REDIC1: variants seen among roughly 807,000 people sequenced by gnomAD.
REDIC1 encodes the protein regulator of DNA class I crossover intermediates 1.
the REDIC1 span, among the ~76,000 whole-genome samples, chr12:39,876,538 T>TA: frequency 5.9e-5 from 9 of 152,116 alleles, no homozygotes; most frequent in Non-Finnish European, 1.2e-4. Flanking sequence ...ATAATTATAT[T>TA]AAAAAACACC....
At chr12:39,657,004 A>G in the REDIC1 span, among the ~76,000 whole-genome samples, 1 of 152,200 alleles carries the variant, frequency 6.6e-6, no homozygotes, top group Non-Finnish European at 1.5e-5. Context: ...AGAAATTTTT[A>G]AAAATAAATT....
At chr12:39,808,966 G>T in the REDIC1 span, among the ~76,000 whole-genome samples, 1 of 151,910 alleles carries the variant, frequency 6.6e-6, no homozygotes, top group Non-Finnish European at 1.5e-5. Flanking sequence ...TGCTTTTTGT[G>T]TCCTATCTAC....
the REDIC1 span, among the ~76,000 whole-genome samples, chr12:39,745,553 C>T: frequency 6.6e-6 from 1 of 152,108 alleles, no homozygotes; most frequent in East Asian, 1.9e-4. Context: ...GTATCTAGCA[C>T]ATAACGAGTG....
the REDIC1 span, among the ~76,000 whole-genome samples, chr12:39,808,704 C>T: frequency 6.6e-6 from 1 of 152,056 alleles, no homozygotes; most frequent in Admixed American, 6.6e-5. Flanking sequence ...TATCTATGTG[C>T]TTATTTGCCA....
chr12:39,718,668 A>G, the REDIC1 span, among the ~76,000 whole-genome samples: 2 of 149,018 alleles, frequency 1.3e-5, no homozygotes, highest in Non-Finnish European at 3.0e-5. Flanking sequence ...CCTATGTGAC[A>G]TTTTTTTTTT....
the REDIC1 span, among the ~76,000 whole-genome samples, chr12:39,696,266 G>A: frequency 0.29 from 43,202 of 150,342 alleles, 7,670 homozygotes; most frequent in Admixed American, 0.37. Flanking sequence ...ACCAAGGGCC[G>A]GGCGCGGTGG....
At chr12:39,668,156 T>C in the REDIC1 span, among the ~76,000 whole-genome samples, 1 of 152,234 alleles carries the variant, frequency 6.6e-6, no homozygotes, top group African/African-American at 2.4e-5. Context: ...AGTTTCTTCC[T>C]AGTCTCGATG....
the REDIC1 span, among the ~76,000 whole-genome samples, chr12:39,822,541 C>T: frequency 6.6e-6 from 1 of 152,202 alleles, no homozygotes; most frequent in Non-Finnish European, 1.5e-5. Context: ...CCAAGCTCCC[C>T]AGACTTCATC....
the REDIC1 span, among the ~76,000 whole-genome samples, chr12:39,678,446 A>G: frequency 6.6e-6 from 1 of 152,110 alleles, no homozygotes; most frequent in South Asian, 2.1e-4. Flanking sequence ...CAGCATTTTT[A>G]AAACTTGCCA....
At chr12:39,808,786 T>C in the REDIC1 span, among the ~76,000 whole-genome samples, 1 of 152,176 alleles carries the variant, frequency 6.6e-6, no homozygotes, top group Non-Finnish European at 1.5e-5. Context: ...TTTATTTATT[T>C]TAAGTTGTAA....
chr12:39,721,106 A>T, the REDIC1 span: 10 of 1,613,666 alleles, frequency 6.2e-6, no homozygotes, highest in South Asian at 1.1e-4. Flanking sequence ...TCTGTAATGG[A>T]GGAAAAATTA....
the REDIC1 span, among the ~76,000 whole-genome samples, chr12:39,842,180 T>C: frequency 4.3e-4 from 65 of 152,168 alleles, no homozygotes; most frequent in Admixed American, 4.3e-3. Flanking sequence ...GAAAGCAGGC[T>C]GAACAATATA....
the REDIC1 span, among the ~76,000 whole-genome samples, chr12:39,696,898 TAAAAAA>T: frequency 3.2e-4 from 48 of 151,300 alleles, 1 homozygote; most frequent in Non-Finnish European, 7.4e-5. Flanking sequence ...AAAGAAAAAA[TAAAAAA>T]GAATGAAGTA....
chr12:39,710,975 A>G, the REDIC1 span, among the ~76,000 whole-genome samples: 2 of 151,190 alleles, frequency 1.3e-5, no homozygotes, highest in Non-Finnish European at 3.0e-5. Flanking sequence ...GTGATTTGTG[A>G]GACCGGTGCA....
chr12:39,858,571 G>A, the REDIC1 span, among the ~76,000 whole-genome samples: 7 of 152,062 alleles, frequency 4.6e-5, no homozygotes, highest in Non-Finnish European at 1.0e-4. Context: ...CAAATACTGG[G>A]GAAAAAAGAG....
chr12:39,813,607 C>T, the REDIC1 span, among the ~76,000 whole-genome samples: 2 of 152,170 alleles, frequency 1.3e-5, no homozygotes, highest in African/African-American at 2.4e-5. Flanking sequence ...ACTGTTCACA[C>T]TTTCCTGGTT....
the REDIC1 span, among the ~76,000 whole-genome samples, chr12:39,735,402 AAATAGAAAATAGG>A: frequency 6.6e-6 from 1 of 152,212 alleles, no homozygotes; most frequent in African/African-American, 2.4e-5. Context: ...TAGAAAATAG[AAATAGAAAATAGG>A]AATAGAAAAT....
At chr12:39,872,642 G>C in the REDIC1 span, among the ~76,000 whole-genome samples, 1 of 152,242 alleles carries the variant, frequency 6.6e-6, no homozygotes, top group African/African-American at 2.4e-5. Context: ...CATAATGCCA[G>C]TTTGTTGATG....
the REDIC1 span, among the ~76,000 whole-genome samples, chr12:39,659,767 A>C: frequency 3.9e-5 from 6 of 152,130 alleles, no homozygotes; most frequent in Middle Eastern, 3.4e-3. Flanking sequence ...TTTGCTTCTC[A>C]TTATAGATCT....
Sources: allele counts gnomAD v4.1 joint callset (sites outside exome capture counted in the v4.1 genomes callset), GRCh38; gene constraint gnomAD v4.1.1; transcripts MANE v1.5; gene names NCBI Gene and HGNC (gene_info 2026-07-23, HGNC 2026-07-21).